Variants in ZFP92 observed in about 807,000 individuals in gnomAD.
The protein encoded by ZFP92 is ZFP92 zinc finger protein, also known as zinc finger protein 92 homolog.
In ZFP92, 2 loss-of-function variants were observed where a neutral mutation model predicts 7.6. That is an observed-to-expected ratio of 0.26 (90% CI 0.11 to 0.83). The LOEUF is 0.83. ZFP92 is among the 40% of genes least tolerant of loss of function. ZFP92 has a pLI of 0.65. For missense variants in ZFP92, 324 were observed against 408.3 expected (o/e 0.79, Z 1.78); for synonymous variants, 226 against 183.6 (o/e 1.23, Z -1.87).
intron 1 of ZFP92, among the ~76,000 whole-genome samples, 80 bp downstream of exon 1, chrX:153,411,783 G>A (rs1289217000): frequency 3.6e-5 from 4 of 112,646 alleles, no homozygotes; most frequent in Non-Finnish European, 7.5e-5. Flanking sequence ...GTGTCGAGGG[G>A]GACGAGGGAG....
At chrX:153,415,695 T>G (rs2088945898) in intron 2 of ZFP92, among the ~76,000 whole-genome samples, 1 of 112,152 alleles carries the variant, frequency 8.9e-6, no homozygotes, top group Admixed American at 9.4e-5. Flanking sequence ...AGTTTTTTTT[T>G]CTTTTTAATC....
Position 153,424,525 on chromosome X carries a change from T to C in ZFP92, c.*2897T>C, listed in dbSNP as rs1277195472. 3 of 112,182 alleles carry C rather than the reference T, an allele frequency of 2.7e-5. No homozygotes were observed. The highest frequency in any genetic ancestry group is 9.7e-5 in the African/African-American group (3 of 30,815). The allele number at this position is 112,182 out of a possible 1,213,427, so 9.2% of individuals were successfully genotyped here. A position where few individuals can be genotyped will look rare whatever the true frequency, so the allele number is the denominator to read the frequency against. On this transcript the variant is annotated 3_prime_UTR_variant, in exon 6 of 6. Coordinates refer to ENST00000338647, the MANE Select transcript of ZFP92 (RefSeq NM_001136273.2). ...TGCTGTGTGGGGAACTGGGAGGGTA[T>C]AGCCCAAGCTTGCTTTGTGATGGAC...
At chrX:153,414,541 A>T (rs2088935309) in intron 2 of ZFP92, among the ~76,000 whole-genome samples, 1 of 110,905 alleles carries the variant, frequency 9.0e-6, no homozygotes, top group Non-Finnish European at 1.9e-5. Flanking sequence ...TAGAGATGGG[A>T]TCTCACTATG....
chrX:153,418,215 A>G, intron 2 of ZFP92, 90 bp from the exon 3 acceptor site: 1 of 1,039,937 alleles, frequency 9.6e-7, no homozygotes, highest in Non-Finnish European at 1.3e-6. Context: ...TTATTTCACA[A>G]GAAAAACTAA....
At chrX:153,418,632 G>A (rs1454558044) in intron 3 of ZFP92, 41 bp from the exon 4 acceptor site, 3 of 1,161,830 alleles carry the variant, frequency 2.6e-6, no homozygotes, top group East Asian at 3.3e-5. Flanking sequence ...GGGGCCCAGG[G>A]GGTTGAATTC....
At position 153,420,246 on chromosome X, in the gene ZFP92, C is replaced by T. The variant is rs1556974645; in HGVS notation, c.179C>T (p.Pro60Leu). 8.6e-7 allele frequency: 1 copy of T among 1,167,555 alleles called. No homozygotes were observed. Among genetic ancestry groups the T allele is most frequent in the Admixed American group, 2.6e-5 (1 of 38,657 alleles). ...CGCCCAGGATTTTCCTTCTCCAAGC[C>T]TCACCTGATCTCCCAATTGGAACGA... is the stretch of plus-strand genomic sequence containing the variant. Reference protein sequence around the residue: ...LVSLGFSFSKPHLISQLERGE... With the variant: ...LVSLGFSFSKLHLISQLERGE... The change falls in exon 5 of 6, where the codon CCT becomes CTT. Residue 60 changes from proline (P) to leucine (L), a missense_variant. Coordinates refer to ENST00000338647, the MANE Select transcript of ZFP92 (RefSeq NM_001136273.2).
At position 153,420,863 on chromosome X, in the gene ZFP92, C is replaced by A; in HGVS notation, c.486C>A (p.Ser162Arg). 1 of 1,185,826 alleles carries A rather than the reference C, an allele frequency of 8.4e-7. No individual in the cohort carries two copies. Among genetic ancestry groups the A allele is most frequent in the Admixed American group, 2.4e-5 (1 of 41,304 alleles). ...GCCAGCAGTGTGGGAAGGCCTTCAG[C>A]CGCAGCTCCAACCTCATCAAGCACC... ...YLCQQCGKAF[S>R]RSSNLIKHRI... The change falls in exon 6 of 6, where the codon AGC becomes AGA. Residue 162 changes from serine to arginine, a missense_variant. Ser to Arg is a moderately radical substitution (Grantham distance 110). Coordinates refer to ENST00000338647, the MANE Select transcript of ZFP92 (RefSeq NM_001136273.2).
At chrX:153,418,017 G>A (rs782058272) in intron 2 of ZFP92, among the ~76,000 whole-genome samples, 26 of 112,118 alleles carry the variant, frequency 2.3e-4, no homozygotes, top group Non-Finnish European at 3.9e-4. Flanking sequence ...TCAGTGGAGC[G>A]GGGGCCTGCC....
At position 153,420,271 on chromosome X, in the gene ZFP92, A is replaced by G. The variant is rs973993708; in HGVS notation, c.204A>G (p.Arg68=). The G allele has an allele frequency of 2.6e-6, 3 of 1,166,010 alleles. No homozygotes were observed. The African/African-American group carries it at 5.4e-5, about 21-fold the overall frequency. Residue 68 remains arginine (R), a synonymous_variant, in exon 5 of 6, where the codon CGA becomes CGG. Coordinates refer to ENST00000338647, the MANE Select transcript of ZFP92 (RefSeq NM_001136273.2). ...CTCACCTGATCTCCCAATTGGAACG[A>G]GGGGAAGGACCCTGGGTAGCAGACA... ...SKPHLISQLE[R]GEGPWVADIP...
chrX:153,415,220 G>A (rs2088941657), intron 2 of ZFP92, among the ~76,000 whole-genome samples: 1 of 112,962 alleles, frequency 8.9e-6, no homozygotes, highest in South Asian at 3.6e-4. Context: ...AGTGGTGGGA[G>A]TGGGGACTTA....
intron 3 of ZFP92, 32 bp downstream of exon 3, chrX:153,418,387 C>T (rs1461538353): frequency 8.6e-7 from 1 of 1,163,304 alleles, no homozygotes; most frequent in East Asian, 3.3e-5. Context: ...TGGCCTCTCC[C>T]CCTGGCAGCC....
intron 3 of ZFP92, 132 bp from the exon 4 acceptor site, chrX:153,418,541 C>G: frequency 2.0e-6 from 2 of 995,732 alleles, no homozygotes; most frequent in Non-Finnish European, 1.4e-6. Context: ...TCTTACAACT[C>G]GTGCAACCCG....
At chrX:153,414,802 G>A (rs782069166) in intron 2 of ZFP92, among the ~76,000 whole-genome samples, 5 of 64,972 alleles carry the variant, frequency 7.7e-5, no homozygotes, top group African/African-American at 1.2e-4. Flanking sequence ...CCCCACCCCC[G>A]GGCACCCACC....
chrX:153,411,822 C>T (rs1410452554), intron 1 of ZFP92, among the ~76,000 whole-genome samples, 119 bp downstream of exon 1: 3 of 112,409 alleles, frequency 2.7e-5, no homozygotes, highest in African/African-American at 6.5e-5. Context: ...GCAGGGACTC[C>T]CTGGGAGGCG....
At chrX:153,415,225 G>A (rs1317607474) in intron 2 of ZFP92, among the ~76,000 whole-genome samples, 11 of 112,802 alleles carry the variant, frequency 9.8e-5, no homozygotes, top group African/African-American at 3.5e-4. Context: ...TGGGAGTGGG[G>A]ACTTAGCAAA....
At chrX:153,415,613 C>G (rs2088945186) in intron 2 of ZFP92, among the ~76,000 whole-genome samples, 1 of 111,425 alleles carries the variant, frequency 9.0e-6, no homozygotes, top group Non-Finnish European at 1.9e-5. Context: ...GGGTATATAC[C>G]CAGAAGTGGA....
intron 2 of ZFP92, among the ~76,000 whole-genome samples, chrX:153,413,414 G>A (rs782408573): frequency 1.9e-5 from 2 of 107,291 alleles, no homozygotes; most frequent in Non-Finnish European, 3.8e-5. Context: ...TGCATACTCA[G>A]TTCCACCCAT....
At chrX:153,420,073 A>C (rs1277214564) in intron 4 of ZFP92, among the ~76,000 whole-genome samples, 155 bp from the exon 5 acceptor site, 1 of 112,531 alleles carries the variant, frequency 8.9e-6, no homozygotes, top group African/African-American at 3.2e-5. Context: ...TTGCCCTCGT[A>C]GAGGGACTTG....
Position 153,421,187 on chromosome X carries a change from C to T in ZFP92, c.810C>T (p.Gly270=). The change falls in exon 6 of 6, where the codon GGC becomes GGT. Residue 270 remains glycine (G), a synonymous_variant. Coordinates refer to ENST00000338647, the MANE Select transcript of ZFP92 (RefSeq NM_001136273.2). ...GERPYACPEC[G]KAFSRSSNLI... ...GGCCCTACGCGTGCCCAGAGTGCGGCAAGGCCTTCAGCCGCAGCTCCAACC... is the reference window on the plus strand; with the variant it reads ...GGCCCTACGCGTGCCCAGAGTGCGGTAAGGCCTTCAGCCGCAGCTCCAACC... 1 of 1,185,998 alleles carries T rather than the reference C, an allele frequency of 8.4e-7. No homozygotes were observed. Among genetic ancestry groups the T allele is most frequent in the Non-Finnish European group, 1.1e-6 (1 of 882,948 alleles).
Sources: gnomAD v4.1 joint callset for allele counts (sites outside exome capture counted in the v4.1 genomes callset) on GRCh38, gnomAD v4.1.1 for gene constraint, MANE v1.5 for transcripts, NCBI Gene and HGNC (gene_info 2026-07-23, HGNC 2026-07-21) for gene names.